The following H2BW2 variants were observed in gnomAD, a reference collection of about 807,000 sequenced individuals.
The protein encoded by H2BW2 is H2B.W histone 2, also known as histone H2B type F-M.
A neutral mutation model predicts 9.2 loss-of-function variants in H2BW2; 8 were observed. The ratio of observed to expected loss-of-function variants is 0.87; its 90% CI spans 0.51 to 1.57. The LOEUF (loss-of-function observed/expected upper bound fraction) is 1.57, where lower values mean the gene tolerates loss of function less well. Among genes scored for constraint, H2BW2 ranks in the 40% most tolerant of loss-of-function variants. The pLI is 0.00. For synonymous variants in H2BW2, 80 were observed against 56.8 expected (o/e 1.41, Z -1.84); for missense variants, 193 against 137.3 (o/e 1.41, Z -2.03).
In H2BW2 at chrX:104,040,295, A is replaced by C; in HGVS notation, c.301A>C (p.Thr101Pro). 1 of 1,196,101 alleles carries C rather than the reference A, an allele frequency of 8.4e-7. No individual in the cohort carries two copies. The highest frequency in any genetic ancestry group is 3.0e-5 in the East Asian group (1 of 32,975). Reference sequence around the variant, plus strand: ...CGAGGCTGGTCAGCTGGCCCATTACACCAAGCGCGTGACCATCACCTCCCG... The same window carrying C: ...CGAGGCTGGTCAGCTGGCCCATTACCCCAAGCGCGTGACCATCACCTCCCG... ...ATEAGQLAHY[T>P]KRVTITSRDI... The change falls in exon 1 of 4, where the codon ACC becomes CCC. Residue 101 changes from threonine (T) to proline (P), a missense_variant. Thr to Pro is a conservative substitution (Grantham distance 38). Coordinates refer to ENST00000675318, the MANE Select transcript of H2BW2 (RefSeq NM_001388464.1).
rs1415799353 is a variant in H2BW2, at chrX:104,042,131, A to G, written c.*61A>G. The G allele has an allele frequency of 2.7e-5, 3 of 112,747 alleles. No homozygotes were observed. The highest frequency in any genetic ancestry group is 9.7e-5 in the African/African-American group (3 of 30,969). The allele number at this position is 112,747 out of a possible 1,213,427, so 9.3% of individuals were successfully genotyped here. ...TTCCAGATTATTAGAAAAATATTAC[A>G]GAAATAGCTGAAGAGAAATGTTATG... On this transcript the variant is annotated 3_prime_UTR_variant, in exon 4 of 4. Transcript: ENST00000675318.
rs1331859904 is a variant in H2BW2, at chrX:104,040,131, G to A, written c.137G>A (p.Arg46His). 2.9e-5 allele frequency: 34 copies of A among 1,178,486 alleles called. No homozygotes were observed. The highest frequency in any genetic ancestry group is 3.6e-5 in the Non-Finnish European group (32 of 879,234). Reference protein sequence around the residue: ...RGSRRRHANRRGDSFGDSFTP... With the variant: ...RGSRRRHANRHGDSFGDSFTP... ...TCCCGCAGGCGCCACGCCAACCGCC[G>A]TGGGGACAGCTTCGGGGACAGCTTC... Residue 46 changes from arginine to histidine, a missense_variant, in exon 1 of 4, where the codon CGT becomes CAT. By Grantham distance (29) the Arg-to-His change is conservative. Coordinates refer to ENST00000675318, the MANE Select transcript of H2BW2 (RefSeq NM_001388464.1).
Position 104,040,387 on chromosome X carries a change from C to G in H2BW2, c.393C>G (p.Gly131=). The G allele has an allele frequency of 8.6e-7, 1 of 1,157,301 alleles. No individual in the cohort carries two copies. The highest frequency in any genetic ancestry group is 1.2e-6 in the Non-Finnish European group (1 of 868,240). Residue 131 remains glycine (G), a synonymous_variant, in exon 1 of 4, where the codon GGC becomes GGG. Transcript: ENST00000675318. ...GKMGKLAEAQ[G]TNAALRTSLC... is the part of the protein sequence containing the mutation. ...TGGGCAAGCTCGCCGAGGCCCAGGG[C>G]ACGAATGCCGCCCTCAGGTACACCA...
chrX:104,040,927 A>G, intron 2 of H2BW2, 41 bp downstream of exon 2: 1 of 1,173,904 alleles, frequency 8.5e-7, no homozygotes, highest in Non-Finnish European at 1.2e-6. Flanking sequence ...CTCATCATGA[A>G]TCCATGTAAA....
In H2BW2 at chrX:104,040,227, T is replaced by C; in HGVS notation, c.233T>C (p.Val78Ala). ...AGCCTTTCCCAGGAGGCCGTGAGTG[T>C]CATGGATTCTATGATCCATGACATA... ...GLSLSQEAVS[V>A]MDSMIHDILD... The change falls in exon 1 of 4, where the codon GTC (valine) becomes GCC (alanine). Residue 78 changes from valine to alanine, a missense_variant. Coordinates refer to ENST00000675318, the MANE Select transcript of H2BW2 (RefSeq NM_001388464.1). 8.4e-7 allele frequency: 1 copy of C among 1,193,468 alleles called. No individual in the cohort carries two copies. Among genetic ancestry groups the C allele is most frequent in the African/African-American group, 1.8e-5 (1 of 57,061 alleles).
intron 1 of H2BW2, 93 bp from the exon 2 acceptor site, chrX:104,040,735 T>C: frequency 1.9e-6 from 1 of 538,732 alleles, no homozygotes; most frequent in Non-Finnish European, 3.3e-6. Flanking sequence ...CTTAGTTATC[T>C]TTCTAGGTTA....
chrX:104,041,762 C>G (rs1427036196), intron 3 of H2BW2: 1 of 112,314 alleles, frequency 8.9e-6, no homozygotes, highest in Non-Finnish European at 1.9e-5. Flanking sequence ...TCATAAACAA[C>G]CCTTCTCCTT....
At chrX:104,042,083 T>A (rs781816759) in intron 3 of H2BW2, 29 bp from the exon 4 acceptor site, 1 of 112,524 alleles carries the variant, frequency 8.9e-6, no homozygotes, top group Admixed American at 9.4e-5. Context: ...AGTCCACTCA[T>A]TGGGATCTGT....
rs782037616 is a variant in H2BW2 at position 104,040,264 on chromosome X, C to A, written c.270C>A (p.Ile90=). 8.4e-7 allele frequency: 1 copy of A among 1,195,290 alleles called. No individual in the cohort carries two copies. The highest frequency in any genetic ancestry group is 1.1e-6 in the Non-Finnish European group (1 of 887,178). ...TGATCCATGACATATTGGACCGCAT[C>A]GCCACCGAGGCTGGTCAGCTGGCCC... ...DSMIHDILDR[I]ATEAGQLAHY... The change falls in exon 1 of 4, where the codon ATC becomes ATA. Residue 90 remains isoleucine, a synonymous_variant. Coordinates refer to ENST00000675318, the MANE Select transcript of H2BW2 (RefSeq NM_001388464.1).
chrX:104,041,936 G>A (rs1556344689), intron 3 of H2BW2, 176 bp from the exon 4 acceptor site: 2 of 111,538 alleles, frequency 1.8e-5, no homozygotes, highest in Non-Finnish European at 3.8e-5. Flanking sequence ...ATTTAAAGAG[G>A]ACCCCTTGGT....
intron 2 of H2BW2, 59 bp from the exon 3 acceptor site, chrX:104,041,029 C>A (rs1366982931): frequency 5.5e-6 from 3 of 549,368 alleles, no homozygotes; most frequent in Non-Finnish European, 8.7e-6. Flanking sequence ...TCTGAGACCA[C>A]TATTGTAATT....
In H2BW2 at chrX:104,040,248, A is replaced by T. The variant is rs1556343840; in HGVS notation, c.254A>T (p.Asp85Val). 6.7e-6 allele frequency: 8 copies of T among 1,194,268 alleles called. No individual in the cohort carries two copies. Among genetic ancestry groups the T allele is most frequent in the Non-Finnish European group, 9.0e-6 (8 of 886,791 alleles). Reference protein sequence around the residue: ...AVSVMDSMIHDILDRIATEAG... With the variant: ...AVSVMDSMIHVILDRIATEAG... ...AGTGTCATGGATTCTATGATCCATG[A>T]CATATTGGACCGCATCGCCACCGAG... Residue 85 changes from aspartate to valine, a missense_variant, in exon 1 of 4, where the codon GAC becomes GTC. Asp to Val is a radical substitution (Grantham distance 152). Transcript: ENST00000675318.
Position 104,041,601 on chromosome X carries a change from G to A in H2BW2, c.*41+495G>A, listed in dbSNP as rs183324109. On this transcript the variant is annotated intron_variant, in intron 3 of 3. Coordinates refer to ENST00000675318, the MANE Select transcript of H2BW2 (RefSeq NM_001388464.1). The stretch of plus-strand genomic sequence containing the variant: ...CAGAGCAGGTGCTCACTTTCCCATT[G>A]CTTTCCTTTTCCATTGATTTCCAGT... 979 of 111,775 alleles carry A rather than the reference G, an allele frequency of 8.8e-3. 4 individuals carry two copies. The highest frequency in any genetic ancestry group is 0.013 in the Non-Finnish European group (681 of 53,205). The allele number at this position is 111,775 out of a possible 1,213,427, so 9.2% of individuals were successfully genotyped here.
rs1447369058 is a variant in H2BW2, at chrX:104,040,103, G to A, written c.109G>A (p.Gly37Ser). The change falls in exon 1 of 4, where the codon GGC (glycine) becomes AGC (serine). Residue 37 changes from glycine to serine, a missense_variant. By Grantham distance (56) the Gly-to-Ser change is moderately conservative. Transcript: ENST00000675318. ...GAAGCAGAAGAGGCGAGGGTGCCGA[G>A]GCTCCCGCAGGCGCCACGCCAACCG... is the stretch of plus-strand genomic sequence containing the variant. ...AQKQKRRGCR[G>S]SRRRHANRRG... is the part of the protein sequence containing the mutation. 8.6e-7 allele frequency: 1 copy of A among 1,167,215 alleles called. No homozygotes were observed. Among genetic ancestry groups the A allele is most frequent in the Admixed American group, 2.6e-5 (1 of 39,080 alleles).
At chrX:104,040,910 C>T in intron 2 of H2BW2, 24 bp downstream of exon 2, 1 of 1,184,391 alleles carries the variant, frequency 8.4e-7, no homozygotes, top group Non-Finnish European at 1.1e-6. Flanking sequence ...ATGTGTTCAG[C>T]ATCTCTCTCA....
At chrX:104,040,947 G>T in intron 2 of H2BW2, 61 bp downstream of exon 2, 1 of 1,130,656 alleles carries the variant, frequency 8.8e-7, no homozygotes, top group Non-Finnish European at 1.2e-6. Flanking sequence ...ATAAGCAAAC[G>T]AGGCCCAGTT....
At chrX:104,041,635 T>C (rs781984967) in intron 3 of H2BW2, 1 of 111,547 alleles carries the variant, frequency 9.0e-6, no homozygotes, top group African/African-American at 3.3e-5. Flanking sequence ...GTCGCCCGAG[T>C]ATGTGGACAA....
Position 104,040,320 on chromosome X carries a change from G to T in H2BW2, c.326G>T (p.Arg109Leu), listed in dbSNP as rs781876779. Residue 109 changes from arginine to leucine, a missense_variant, in exon 1 of 4, where the codon CGG (arginine) becomes CTG (leucine). Physicochemically the swap from Arg to Leu is moderately radical, Grantham distance 102. Transcript: ENST00000675318. The part of the protein sequence containing the change: ...HYTKRVTITS[R>L]DIQMAVRLLL... ...ACCAAGCGCGTGACCATCACCTCCCGGGACATCCAGATGGCCGTGCGACTG... is the reference window on the plus strand; with the variant it reads ...ACCAAGCGCGTGACCATCACCTCCCTGGACATCCAGATGGCCGTGCGACTG... 12 of 1,193,543 alleles carry T rather than the reference G, an allele frequency of 1.0e-5. No individual in the cohort carries two copies. Among genetic ancestry groups the T allele is most frequent in the African/African-American group, 8.8e-5 (5 of 56,633 alleles).
chrX:104,039,958 T>C lies in H2BW2; in HGVS notation c.-37T>C, dbSNP rs2075195037. On this transcript the variant is annotated 5_prime_UTR_variant, in exon 1 of 4. Coordinates refer to ENST00000675318, the MANE Select transcript of H2BW2 (RefSeq NM_001388464.1). The stretch of plus-strand genomic sequence containing the variant: ...CACTTCCCTGGTCCCCAACCGTCAC[T>C]CTCTGTTCTTGCTATCTAATGGCCG... 7 of 1,131,932 alleles carry C rather than the reference T, an allele frequency of 6.2e-6. No individual in the cohort carries two copies. The highest frequency in any genetic ancestry group is 3.3e-5 in the East Asian group (1 of 30,412). The allele number at this position is 1,131,932 out of a possible 1,213,427, so 93.3% of individuals were successfully genotyped here.
Sources: allele counts gnomAD v4.1 joint callset, GRCh38; gene constraint gnomAD v4.1.1; transcripts MANE v1.5; gene names NCBI Gene and HGNC (gene_info 2026-07-23, HGNC 2026-07-21).